The following DLGAP2 variants were observed in gnomAD, a reference collection of about 807,000 sequenced individuals.
The protein encoded by DLGAP2 is DLG associated protein 2.
DLGAP2 carries 26 observed loss-of-function variants against 100.3 expected under a neutral mutation model. The ratio of observed to expected loss-of-function variants is 0.26; its 90% CI spans 0.19 to 0.36. The LOEUF (loss-of-function observed/expected upper bound fraction) is 0.36. DLGAP2 is among the 10% of genes least tolerant of loss of function. DLGAP2 has a pLI of 1.00. For missense variants in DLGAP2, 1,858 were observed against 1,453.2 expected (o/e 1.28, Z -4.53); for synonymous variants, 886 against 630.1 (o/e 1.41, Z -6.08).
intron 6 of DLGAP2, among the ~76,000 whole-genome samples, chr8:1,593,406 G>A (rs961654278): frequency 6.6e-6 from 1 of 152,006 alleles, no homozygotes; most frequent in African/African-American, 2.4e-5. Flanking sequence ...AGTGAGCCGA[G>A]ATCGCGCCAC....
intron 2 of DLGAP2, among the ~76,000 whole-genome samples, chr8:1,020,139 A>G (rs919549015): frequency 3.3e-5 from 5 of 152,258 alleles, no homozygotes; most frequent in Admixed American, 6.5e-5. Context: ...TCAAGTATCC[A>G]TACAGTGGCC....
intron 3 of DLGAP2, among the ~76,000 whole-genome samples, chr8:1,283,382 T>C (rs1799860155): frequency 6.6e-6 from 1 of 152,230 alleles, no homozygotes; most frequent in African/African-American, 2.4e-5. Context: ...CGCCCAGACC[T>C]TCCACATTCA....
intron 1 of DLGAP2, among the ~76,000 whole-genome samples, chr8:837,266 C>A (rs1199555059): frequency 6.6e-5 from 10 of 152,232 alleles, no homozygotes; most frequent in Admixed American, 3.9e-4. Flanking sequence ...CTGGCCAGTC[C>A]TCGGACCTGT....
chr8:1,134,358 A>C (rs12677929), intron 2 of DLGAP2, among the ~76,000 whole-genome samples: 22,302 of 152,068 alleles, frequency 0.15, 1,994 homozygotes, highest in African/African-American at 0.24. Flanking sequence ...CAGTCATGGG[A>C]TTGCTTGGTG....
chr8:790,351 C>T (rs1363441377), intron 1 of DLGAP2, among the ~76,000 whole-genome samples: 3 of 152,148 alleles, frequency 2.0e-5, no homozygotes, highest in African/African-American at 7.2e-5. Flanking sequence ...GATGACGTAA[C>T]CAAAATGAAA....
rs1402556658 is a variant in DLGAP2, at chr8:933,585, G to A, written c.73+25619G>A. On this transcript the variant is annotated intron_variant, in intron 2 of 14. Coordinates refer to ENST00000637795, the MANE Select transcript of DLGAP2 (RefSeq NM_001346810.2). ...GAGCCTGCTGTGGAGACATCTGGCC[G>A]TGGGCACGAGGGGAGGGTGAGGGCA... Among the ~76,000 whole-genome samples the A allele has an allele frequency of 6.3e-5, 6 of 94,908 alleles. 1 individual carries two copies. Among genetic ancestry groups the A allele is most frequent in the African/African-American group, 1.3e-4 (3 of 22,650 alleles). 62.3% of individuals were successfully genotyped at this position (94,908 alleles called of 152,430 possible).
At chr8:1,520,021 T>G (rs1800532469) in intron 4 of DLGAP2, among the ~76,000 whole-genome samples, 1 of 152,160 alleles carries the variant, frequency 6.6e-6, no homozygotes, top group Non-Finnish European at 1.5e-5. Context: ...GTGTGGGCCA[T>G]CGCTGTTGGC....
intron 1 of DLGAP2, among the ~76,000 whole-genome samples, chr8:762,408 C>T (rs1390286834): frequency 6.6e-6 from 1 of 152,154 alleles, no homozygotes; most frequent in African/African-American, 2.4e-5. Context: ...AACTTTCAAG[C>T]ATGTAATAGG....
intron 3 of DLGAP2, among the ~76,000 whole-genome samples, chr8:1,418,447 T>C (rs917279522): frequency 6.6e-6 from 1 of 152,200 alleles, no homozygotes; most frequent in African/African-American, 2.4e-5. Flanking sequence ...TGTAGTCGCT[T>C]AGCCTGAAAT....
intron 2 of DLGAP2, among the ~76,000 whole-genome samples, chr8:1,218,432 C>T (rs557626503): frequency 1.1e-4 from 16 of 152,016 alleles, no homozygotes; most frequent in African/African-American, 2.7e-4. Flanking sequence ...TTCTCTATCC[C>T]GTTCCATTGG....
chr8:969,669 G>C (rs929221377), intron 2 of DLGAP2, among the ~76,000 whole-genome samples: 1 of 152,154 alleles, frequency 6.6e-6, no homozygotes, highest in African/African-American at 2.4e-5. Flanking sequence ...TTGTCTGCAG[G>C]GAGGTGCAGT....
chr8:1,280,542 G>A (rs1308170678), intron 3 of DLGAP2, among the ~76,000 whole-genome samples: 1 of 152,190 alleles, frequency 6.6e-6, no homozygotes, highest in Admixed American at 6.5e-5. Flanking sequence ...GGGATTTCTT[G>A]TGGCTCAAAG....
chr8:1,343,459 C>G (rs889512581), intron 3 of DLGAP2, among the ~76,000 whole-genome samples: 1 of 152,160 alleles, frequency 6.6e-6, no homozygotes, highest in Non-Finnish European at 1.5e-5. Context: ...GCCTAGATGC[C>G]TGGTCTCCAG....
intron 1 of DLGAP2, among the ~76,000 whole-genome samples, chr8:860,955 G>T (rs1797377190): frequency 6.6e-6 from 1 of 152,212 alleles, no homozygotes; most frequent in Admixed American, 6.5e-5. Context: ...GAAGGTGAGA[G>T]CCGTGCCTGT....
intron 3 of DLGAP2, among the ~76,000 whole-genome samples, chr8:1,479,309 C>T (rs530257459): frequency 1.8e-4 from 28 of 152,194 alleles, no homozygotes; most frequent in East Asian, 3.8e-4. Context: ...AGATGCTGGG[C>T]GCAGGGATGA....
chr8:1,195,576 TATA>T (rs1382962744), intron 2 of DLGAP2, among the ~76,000 whole-genome samples: 1 of 152,254 alleles, frequency 6.6e-6, no homozygotes, highest in African/African-American at 2.4e-5. Context: ...TTTAAAAACA[TATA>T]ATTCTTAATT....
At chr8:1,450,731 AG>A (rs1798135949) in intron 3 of DLGAP2, among the ~76,000 whole-genome samples, 1 of 152,140 alleles carries the variant, frequency 6.6e-6, no homozygotes, top group East Asian at 1.9e-4. Flanking sequence ...GCCAAGCGAC[AG>A]GCACCGTCCT....
chr8:1,689,413 T>TG lies in DLGAP2; in HGVS notation c.2705-2122_2705-2121insG, dbSNP rs113992405. On this transcript the variant is annotated intron_variant, in intron 12 of 14. Transcript: ENST00000637795. ...CTTGTGAAGTACGTAAAGCCACAGA[T>TG]TAAGTGGGGATGGATCTCTCGCCTC... Among the ~76,000 whole-genome samples, 1,194 of 152,236 alleles carry TG rather than the reference T, an allele frequency of 7.8e-3. 22 individuals carry two copies. Among genetic ancestry groups the TG allele is most frequent in the African/African-American group, 0.027 (1,120 of 41,548 alleles).
intron 3 of DLGAP2, among the ~76,000 whole-genome samples, chr8:1,383,034 A>T (rs1039287912): frequency 1.3e-5 from 2 of 152,196 alleles, no homozygotes; most frequent in Admixed American, 6.5e-5. Flanking sequence ...TTTTTGTGGA[A>T]CGCAAATCGA....
Sources: gnomAD v4.1 joint callset for allele counts (sites outside exome capture counted in the v4.1 genomes callset) on GRCh38, gnomAD v4.1.1 for gene constraint, MANE v1.5 for transcripts, NCBI Gene and HGNC (gene_info 2026-07-23, HGNC 2026-07-21) for gene names.